Variants in SAMD11 observed in about 807,000 individuals in gnomAD.
SAMD11 encodes sterile alpha motif domain containing 11.
Under a neutral mutation model 64.4 loss-of-function variants are expected in SAMD11, and 77 were observed. The observed-to-expected ratio is 1.20, with a 90% CI of 0.99 to 1.44. The LOEUF is 1.44. Ranked by LOEUF, SAMD11 falls within the 40% of genes most tolerant of loss-of-function variation. SAMD11 has a pLI of 0.00. For synonymous variants in SAMD11, 658 were observed against 421.9 expected (o/e 1.56, Z -6.86); for missense variants, 1,402 against 943.3 (o/e 1.49, Z -6.37).
chr1:927,714 C>T (rs1313697403), intron 2 of SAMD11, among the ~76,000 whole-genome samples: 1 of 152,266 alleles, frequency 6.6e-6, no homozygotes, highest in Non-Finnish European at 1.5e-5. Context: ...CACAGGGGCC[C>T]TGCAGGCCAA....
At chr1:930,408 C>G in intron 3 of SAMD11, 72 bp downstream of exon 3, 2 of 1,462,028 alleles carry the variant, frequency 1.4e-6, no homozygotes, top group Admixed American at 4.4e-5. Context: ...TTCAGCTGCT[C>G]AGATGAGAGT....
At chr1:942,356 C>A (rs1641830859) in intron 9 of SAMD11, 54 bp from the exon 10 acceptor site, 2 of 1,206,150 alleles carry the variant, frequency 1.7e-6, no homozygotes, top group Non-Finnish European at 2.2e-6. Context: ...TTGCAAAGGG[C>A]CGGCTCGGAC....
At chr1:936,499 G>A (rs564547801) in intron 5 of SAMD11, among the ~76,000 whole-genome samples, 36 of 152,012 alleles carry the variant, frequency 2.4e-4, no homozygotes, top group African/African-American at 8.5e-4. Context: ...GGCGCCTGAG[G>A]GAGGTGCTGC....
intron 5 of SAMD11, among the ~76,000 whole-genome samples, chr1:936,097 T>C (rs550410894): frequency 2.6e-5 from 4 of 152,308 alleles, no homozygotes; most frequent in African/African-American, 9.6e-5. Context: ...GGCTCCGCTG[T>C]GGCTGCCGCT....
chr1:928,933 C>T (rs572559299), intron 2 of SAMD11, among the ~76,000 whole-genome samples: 6 of 152,190 alleles, frequency 3.9e-5, no homozygotes, highest in South Asian at 4.1e-4. Flanking sequence ...CCCCAAGCTC[C>T]GGGCTGTGTT....
chr1:933,628 C>T (rs967163632), intron 4 of SAMD11, among the ~76,000 whole-genome samples: 20 of 152,334 alleles, frequency 1.3e-4, no homozygotes, highest in African/African-American at 4.8e-4. Context: ...ATGCTGAGGC[C>T]AGCAGTCCTC....
chr1:942,667 G>A lies in SAMD11; in HGVS notation c.1662G>A (p.Leu554=), dbSNP rs1448530533. Residue 554 remains leucine (L), a synonymous_variant, in exon 11 of 14, where the codon CTG becomes CTA. Transcript: ENST00000616016. ...ALRPNDGAEE[L]QRRGALLVLN... is the part of the protein sequence containing the mutation. ...GCCCCAACGACGGCGCCGAGGAGCT[G>A]CAGCGGCGCGGGGCCCTGCTGGTGC... 1.4e-6 allele frequency: 2 copies of A among 1,432,658 alleles called. No homozygotes were observed. Among genetic ancestry groups the A allele is most frequent in the Non-Finnish European group, 1.8e-6 (2 of 1,101,008 alleles). The allele number at this position is 1,432,658 out of a possible 1,614,324, so 88.7% of individuals were successfully genotyped here. A position where few individuals can be genotyped will look rare whatever the true frequency, so the allele number is the denominator to read the frequency against.
rs543921925 is a variant in SAMD11 at position 930,055 on chromosome 1, C to T, written c.610-100C>T. 3.0e-4 allele frequency: 410 copies of T among 1,378,418 alleles called. No individual in the cohort carries two copies. In the African/African-American group the frequency reaches 5.5e-3, roughly 18 times the overall value. 85.4% of individuals were successfully genotyped at this position (1,378,418 alleles called of 1,614,324 possible). A position where few individuals can be genotyped will look rare whatever the true frequency, so the allele number is the denominator to read the frequency against. ...CCTGGGGTGCGAGACCAGGGCAGACCCCCGGGAGATGGAACGGCCCGGTCC... is the reference window on the plus strand; with the variant it reads ...CCTGGGGTGCGAGACCAGGGCAGACTCCCGGGAGATGGAACGGCCCGGTCC... On this transcript the variant is annotated intron_variant, in intron 2 of 13. Coordinates refer to ENST00000616016, the MANE Select transcript of SAMD11 (RefSeq NM_001385641.1).
intron 2 of SAMD11, 86 bp from the exon 3 acceptor site, chr1:930,069 A>G: frequency 7.0e-7 from 1 of 1,428,210 alleles, no homozygotes; most frequent in Admixed American, 2.3e-5. Context: ...GGGAGATGGA[A>G]CGGCCCGGTC....
intron 4 of SAMD11, 32 bp from the exon 5 acceptor site, chr1:935,740 C>A: frequency 1.2e-6 from 2 of 1,612,278 alleles, no homozygotes; most frequent in Non-Finnish European, 8.5e-7. Flanking sequence ...CAGCTGCCCA[C>A]GGGGTCAGCT....
intron 5 of SAMD11, among the ~76,000 whole-genome samples, chr1:938,253 G>A (rs1393585282): frequency 3.0e-4 from 46 of 150,986 alleles, no homozygotes; most frequent in Admixed American, 3.0e-3. Flanking sequence ...TCTGCCACCT[G>A]CTGGGCTGTG....
At chr1:930,812 C>T (rs1431522845) in intron 3 of SAMD11, among the ~76,000 whole-genome samples, 1 of 152,232 alleles carries the variant, frequency 6.6e-6, no homozygotes, top group Non-Finnish European at 1.5e-5. Flanking sequence ...TGCGTGTCTG[C>T]TGAGGCCAGG....
intron 4 of SAMD11, among the ~76,000 whole-genome samples, chr1:931,618 T>C (rs911789226): frequency 7.2e-5 from 11 of 152,132 alleles, no homozygotes; most frequent in Admixed American, 1.3e-4. Context: ...TGAAGAGTCA[T>C]GGATGCTGGG....
Position 942,640 on chromosome 1 carries a change from G to A in SAMD11, c.1635G>A (p.Leu545=), listed in dbSNP as rs1641857156. ...RPQLLAPETA[L]RPNDGAEELQ... is the part of the protein sequence containing the mutation. Reference sequence around the variant, plus strand: ...AGCTGCTGGCGCCCGAGACCGCCCTGCGCCCCAACGACGGCGCCGAGGAGC... The same window carrying A: ...AGCTGCTGGCGCCCGAGACCGCCCTACGCCCCAACGACGGCGCCGAGGAGC... The change falls in exon 11 of 14, where the codon CTG becomes CTA. Residue 545 remains leucine, a synonymous_variant. Coordinates refer to ENST00000616016, the MANE Select transcript of SAMD11 (RefSeq NM_001385641.1). 14 of 1,438,756 alleles carry A rather than the reference G, an allele frequency of 9.7e-6. No homozygotes were observed. Among genetic ancestry groups the A allele is most frequent in the African/African-American group, 1.5e-5 (1 of 66,836 alleles). 89.1% of individuals were successfully genotyped at this position (1,438,756 alleles called of 1,614,324 possible).
intron 5 of SAMD11, among the ~76,000 whole-genome samples, chr1:936,193 A>G (rs1199034869): frequency 2.6e-5 from 4 of 152,030 alleles, no homozygotes; most frequent in Non-Finnish European, 5.9e-5. Context: ...AGAAACGCAC[A>G]CCCTGGAGGA....
rs1641860104 is a variant in SAMD11 at position 942,680 on chromosome 1, G to A, written c.1675G>A (p.Ala559Thr). ...CGCCGAGGAGCTGCAGCGGCGCGGG[G>A]CCCTGCTGGTGCTGAACCACGGCGC... The part of the protein sequence containing the change: ...DGAEELQRRG[A>T]LLVLNHGAAP... The change falls in exon 11 of 14, where the codon GCC becomes ACC. Residue 559 changes from alanine to threonine, a missense_variant. Ala to Thr is a moderately conservative substitution (Grantham distance 58). Coordinates refer to ENST00000616016, the MANE Select transcript of SAMD11 (RefSeq NM_001385641.1). 9 of 1,437,342 alleles carry A rather than the reference G, an allele frequency of 6.3e-6. No homozygotes were observed. The highest frequency in any genetic ancestry group is 8.1e-6 in the Non-Finnish European group (9 of 1,104,840). The allele number at this position is 1,437,342 out of a possible 1,614,324, so 89.0% of individuals were successfully genotyped here. A position where few individuals can be genotyped will look rare whatever the true frequency, so the allele number is the denominator to read the frequency against.
chr1:941,891 G>T, intron 8 of SAMD11, among the ~76,000 whole-genome samples: 1 of 152,092 alleles, frequency 6.6e-6, no homozygotes. Context: ...AGGCGGGGCC[G>T]GCGCCCCGCG....
rs1198152871 is a variant in SAMD11 at position 932,319 on chromosome 1, C to T, written c.842+1230C>T. ...GCCTGCAGCCCCCTCCTCCGTCTGC[C>T]TGGCCTCGGGAATGCAGCGTCCCTC... On this transcript the variant is annotated intron_variant, in intron 4 of 13. Transcript: ENST00000616016. Among the ~76,000 whole-genome samples, 3 of 152,324 alleles carry T rather than the reference C, an allele frequency of 2.0e-5. No homozygotes were observed. The East Asian group carries it at 5.8e-4, about 29-fold the overall frequency.
rs1172784961 is a variant in SAMD11, at chr1:943,383, G to C, written c.2178+6G>C. ...GCTGTGGAGAGTACACTCGGGTAAG[G>C]GGGGGCCCCAGTTCCTGGGGCGGGG... On this transcript the variant is annotated splice_donor_region_variant and intron_variant, in intron 12 of 13. Coordinates refer to ENST00000616016, the MANE Select transcript of SAMD11 (RefSeq NM_001385641.1). 6.5e-7 allele frequency: 1 copy of C among 1,531,802 alleles called. No individual in the cohort carries two copies. The highest frequency in any genetic ancestry group is 8.8e-7 in the Non-Finnish European group (1 of 1,138,466). 94.9% of individuals were successfully genotyped at this position (1,531,802 alleles called of 1,614,324 possible).
Sources: allele counts gnomAD v4.1 joint callset (sites outside exome capture counted in the v4.1 genomes callset), GRCh38; gene constraint gnomAD v4.1.1; transcripts MANE v1.5; gene names NCBI Gene and HGNC (gene_info 2026-07-23, HGNC 2026-07-21).